The following ANK3 variants were observed in gnomAD, a reference collection of about 807,000 sequenced individuals.
The protein encoded by ANK3 is ankyrin-3.
A neutral mutation model predicts 370.9 loss-of-function variants in ANK3; 57 were observed. The observed-to-expected ratio is 0.15, with a 90% CI of 0.12 to 0.19. The LOEUF is 0.19. Ranked by LOEUF, ANK3 falls within the 10% of genes least tolerant of loss-of-function variation. The pLI, the probability that ANK3 is intolerant of heterozygous loss-of-function variation, is 1.00. For missense variants in ANK3, 4,439 were observed against 5,302.1 expected (o/e 0.84, Z 5.06); for synonymous variants, 1,929 against 1,946.3 (o/e 0.99, Z 0.23).
chr10:60,477,520 C>T lies in ANK3; in HGVS notation c.96+137666G>A, dbSNP rs111760188. Among the ~76,000 whole-genome samples the T allele has an allele frequency of 6.1e-3, 663 of 109,388 alleles. 4 individuals are homozygous for T. The highest frequency in any genetic ancestry group is 0.024 in the African/African-American group (634 of 26,000). 71.8% of individuals were successfully genotyped at this position (109,388 alleles called of 152,430 possible). On this transcript the variant is annotated intron_variant, in intron 2 of 43. Coordinates refer to the ANK3 transcript ENST00000373827. ...CTACTGACAGACAGACAGACATACACACACACACACACACACACACACACA... is the reference window on the plus strand; with the variant it reads ...CTACTGACAGACAGACAGACATACATACACACACACACACACACACACACA...
At chr10:60,215,025 T>C (rs990031636) in intron 8 of ANK3, among the ~76,000 whole-genome samples, 1 of 152,198 alleles carries the variant, frequency 6.6e-6, no homozygotes, top group Non-Finnish European at 1.5e-5. Flanking sequence ...CAGCATCTAT[T>C]GTTTCCTGAC....
intron 8 of ANK3, among the ~76,000 whole-genome samples, chr10:60,221,095 T>TTC (rs1243010173): frequency 6.6e-6 from 1 of 151,750 alleles, no homozygotes; most frequent in Non-Finnish European, 1.5e-5. Context: ...TTTTTTTTTT[T>TTC]TTGAGATGGA....
At chr10:60,160,360 A>C (rs976428766) in intron 23 of ANK3, among the ~76,000 whole-genome samples, 3 of 152,110 alleles carry the variant, frequency 2.0e-5, no homozygotes, top group African/African-American at 7.2e-5. Flanking sequence ...ATCATGAAGA[A>C]ATAGAAAACT....
intron 1 of ANK3, among the ~76,000 whole-genome samples, chr10:60,701,553 T>C (rs1224420836): frequency 2.0e-5 from 3 of 152,338 alleles, no homozygotes; most frequent in Middle Eastern, 6.8e-3. Context: ...AATAAAATTA[T>C]GGTACATTCA....
Position 60,270,114 on chromosome 10 carries a change from A to T in ANK3, c.513+17T>A, listed in dbSNP as rs780458357. 3 of 1,514,132 alleles carry T rather than the reference A, an allele frequency of 2.0e-6. No homozygotes were observed. The highest frequency in any genetic ancestry group is 2.7e-5 in the South Asian group (2 of 75,096). The allele number at this position is 1,514,132 out of a possible 1,614,324, so 93.8% of individuals were successfully genotyped here. Reference sequence around the variant, plus strand: ...TAAATACGTGAACTCACCCACAGGAAAAAAACAGTATCTTACCTCTGTGGC... The same window carrying T: ...TAAATACGTGAACTCACCCACAGGATAAAAACAGTATCTTACCTCTGTGGC... On this transcript the variant is annotated intron_variant, in intron 5 of 43. Transcript: ENST00000280772.
rs560972870 is a variant in ANK3 at position 60,235,483 on chromosome 10, C to T, written c.799-697G>A. 9.9e-5 allele frequency among the ~76,000 whole-genome samples: 15 copies of T among 150,888 alleles called. No homozygotes were observed. In the South Asian group the frequency reaches 1.0e-3, roughly 11 times the overall value. ...TTCTTCTCTCCAAGCATCTTACAGG[C>T]GCTATGATTATTTCCAGACTGTCAA... On this transcript the variant is annotated intron_variant, in intron 7 of 43. Coordinates refer to ENST00000280772, the MANE Select transcript of ANK3 (RefSeq NM_020987.5).
chr10:60,361,419 T>G (rs2058589952), intron 1 of ANK3, among the ~76,000 whole-genome samples: 1 of 152,242 alleles, frequency 6.6e-6, no homozygotes, highest in Non-Finnish European at 1.5e-5. Flanking sequence ...CTTCAAAGTT[T>G]CTATGGTGAA....
intron 2 of ANK3, among the ~76,000 whole-genome samples, chr10:60,613,560 C>G (rs1193260528): frequency 6.6e-6 from 1 of 152,022 alleles, no homozygotes; most frequent in Non-Finnish European, 1.5e-5. Flanking sequence ...TGTGCCTGAC[C>G]CAGATAAATC....
chr10:60,708,266 C>A (rs1242099053), intron 1 of ANK3, among the ~76,000 whole-genome samples: 1 of 152,190 alleles, frequency 6.6e-6, no homozygotes, highest in Non-Finnish European at 1.5e-5. Flanking sequence ...ACAATCCTGC[C>A]TACCTACAGA....
At chr10:60,381,049 G>A (rs770750322) in intron 1 of ANK3, among the ~76,000 whole-genome samples, 15 of 152,100 alleles carry the variant, frequency 9.9e-5, no homozygotes, top group Non-Finnish European at 1.9e-4. Flanking sequence ...CCCAGTCCCC[G>A]ACTGTCCCAA....
intron 1 of ANK3, among the ~76,000 whole-genome samples, chr10:60,314,226 C>T (rs1022551180): frequency 6.6e-6 from 1 of 152,194 alleles, no homozygotes; most frequent in Admixed American, 6.6e-5. Flanking sequence ...GACAGAAACG[C>T]ATAATGCTAA....
intron 25 of ANK3, among the ~76,000 whole-genome samples, chr10:60,123,952 G>A (rs191843621): frequency 1.3e-5 from 2 of 152,220 alleles, no homozygotes; most frequent in Non-Finnish European, 2.9e-5. Flanking sequence ...TTTGAATCAG[G>A]CTCTGTCACT....
chr10:60,181,265 T>A lies in ANK3; in HGVS notation c.2184+64A>T, dbSNP rs78684076. The A allele has an allele frequency of 0.035, 46,374 of 1,323,030 alleles. 960 individuals carry two copies. Among genetic ancestry groups the A allele is most frequent in the South Asian group, 0.043 (3,604 of 84,154 alleles). 82.0% of individuals were successfully genotyped at this position (1,323,030 alleles called of 1,614,324 possible). ...TTGTTCTCCTGATACAATTATAGTTTCTTCCTTACTGCAGTCACCAAATGG... is the reference window on the plus strand; with the variant it reads ...TTGTTCTCCTGATACAATTATAGTTACTTCCTTACTGCAGTCACCAAATGG... On this transcript the variant is annotated intron_variant, in intron 18 of 43. Transcript: ENST00000280772.
intron 1 of ANK3, among the ~76,000 whole-genome samples, chr10:60,701,407 A>G (rs1365305542): frequency 6.6e-6 from 1 of 151,310 alleles, no homozygotes; most frequent in African/African-American, 2.4e-5. Context: ...AAGATACACT[A>G]GAAAAAAAAA....
chr10:60,712,175 C>A (rs1049170698), intron 1 of ANK3, among the ~76,000 whole-genome samples: 2 of 152,110 alleles, frequency 1.3e-5, no homozygotes, highest in Non-Finnish European at 2.9e-5. Flanking sequence ...GTGAGACCCC[C>A]CCAGTCTCTA....
chr10:60,285,248 A>G (rs1043789856), intron 1 of ANK3, among the ~76,000 whole-genome samples: 4 of 152,190 alleles, frequency 2.6e-5, no homozygotes, highest in African/African-American at 4.8e-5. Flanking sequence ...GTAATTAACA[A>G]TGTGAGTGCA....
rs557368354 is a variant in ANK3, at chr10:60,456,739, G to A, written c.96+158447C>T. 2.0e-5 allele frequency among the ~76,000 whole-genome samples: 3 copies of A among 152,228 alleles called. No individual in the cohort carries two copies. In the East Asian group the frequency reaches 5.8e-4, roughly 29 times the overall value. ...TAGCTGCTAGTCTTCCTTTGGTCCTGTACCCAAGTTCCTCTAAGACTCAAG... is the reference window on the plus strand; with the variant it reads ...TAGCTGCTAGTCTTCCTTTGGTCCTATACCCAAGTTCCTCTAAGACTCAAG... On this transcript the variant is annotated intron_variant, in intron 2 of 43. Coordinates refer to the ANK3 transcript ENST00000373827.
chr10:60,492,706 C>CAAAAAAAAAAAAAAAAAAAAAAAAA (rs764367710), intron 2 of ANK3, among the ~76,000 whole-genome samples: 6 of 57,504 alleles, frequency 1.0e-4, no homozygotes, highest in Non-Finnish European at 1.9e-4. Flanking sequence ...GACTCTGTCT[C>CAAAAAAAAAAAAAAAAAAAAAAAAA]AAAAAAAAAA....
chr10:60,187,188 A>T (rs1285108823), intron 16 of ANK3, among the ~76,000 whole-genome samples: 1 of 148,266 alleles, frequency 6.7e-6, no homozygotes, highest in Non-Finnish European at 1.5e-5. Context: ...ACAGAGTCTC[A>T]CTCTTCGCCC....
Sources: allele counts gnomAD v4.1 joint callset (sites outside exome capture counted in the v4.1 genomes callset), GRCh38; gene constraint gnomAD v4.1.1; transcripts MANE v1.5; gene names NCBI Gene and HGNC (gene_info 2026-07-23, HGNC 2026-07-21).